Variants in ANK2 observed in about 807,000 individuals in gnomAD.
ANK2 encodes ankyrin-2.
ANK2 carries 83 observed loss-of-function variants against 360.5 expected under a neutral mutation model. That is an observed-to-expected ratio of 0.23 (90% CI 0.19 to 0.28). The LOEUF is 0.28. ANK2 is among the 10% of genes least tolerant of loss of function. ANK2 has a pLI of 1.00. For synonymous variants in ANK2, 1,740 were observed against 1,759.5 expected, an observed-to-expected ratio of 0.99 and a Z score of 0.28; for missense variants, 4,201 against 4,795.7, an observed-to-expected ratio of 0.88 and a Z score of 3.66.
At position 113,355,759 on chromosome 4, in the gene ANK2, G is replaced by A; in HGVS notation, c.7141G>A (p.Ala2381Thr). ...ESTATSDETK[A>T]LPLPEASVKT... The stretch of plus-strand genomic sequence containing the variant: ...CACAGCCACCTCAGACGAGACAAAG[G>A]CCTTGCCGCTGCCTGAGGCTTCTGT... The change falls in exon 38 of 46, where the codon GCC becomes ACC. Residue 2381 changes from alanine (A) to threonine (T), a missense_variant. Coordinates refer to ENST00000357077, the MANE Select transcript of ANK2 (RefSeq NM_001148.6). The A allele has an allele frequency of 6.2e-7, 1 of 1,614,094 alleles. No homozygotes were observed. Among genetic ancestry groups the A allele is most frequent in the Non-Finnish European group, 8.5e-7 (1 of 1,179,982 alleles).
chr4:112,723,388 C>T, the ANK2 span, among the ~76,000 whole-genome samples: 2 of 151,964 alleles, frequency 1.3e-5, no homozygotes, highest in Admixed American at 6.6e-5. Flanking sequence ...GTGGGCAGGA[C>T]GGACTCACTC....
intron 1 of ANK2, among the ~76,000 whole-genome samples, chr4:113,087,170 A>G (rs12500552): frequency 0.39 from 59,760 of 152,066 alleles, 12,472 homozygotes; most frequent in East Asian, 0.56. Flanking sequence ...TGATGCCGAA[A>G]TGGGATTTGA....
intron 1 of ANK2, among the ~76,000 whole-genome samples, chr4:113,052,596 A>AT (rs2067575304): frequency 6.6e-6 from 1 of 152,168 alleles, no homozygotes. Flanking sequence ...TTATGTCAAA[A>AT]TTTTACTGAG....
rs575377345 is a variant in ANK2 at position 113,274,774 on chromosome 4, A to G, written c.1683+125A>G. ...GGCCTTGACTTACTTCCTTCTCTAC[A>G]TATTTAAGACTCATTGTCTAAATGA... is the stretch of plus-strand genomic sequence containing the variant. On this transcript the variant is annotated intron_variant, in intron 15 of 45. Coordinates refer to ENST00000357077, the MANE Select transcript of ANK2 (RefSeq NM_001148.6). The G allele has an allele frequency of 1.9e-3, 1,889 of 977,966 alleles. 5 individuals carry two copies. The highest frequency in any genetic ancestry group is 2.8e-3 in the Non-Finnish European group (1,783 of 630,346). The allele number at this position is 977,966 out of a possible 1,614,324, so 60.6% of individuals were successfully genotyped here. A position where few individuals can be genotyped will look rare whatever the true frequency, so the allele number is the denominator to read the frequency against.
intron 1 of ANK2, among the ~76,000 whole-genome samples, chr4:113,094,967 T>G (rs939323823): frequency 2.0e-5 from 3 of 152,238 alleles, no homozygotes; most frequent in Non-Finnish European, 4.4e-5. Flanking sequence ...GTGGTGTCTT[T>G]GAAGAATAGC....
chr4:112,786,920 T>C, the ANK2 span, among the ~76,000 whole-genome samples: 2 of 152,032 alleles, frequency 1.3e-5, no homozygotes, highest in African/African-American at 4.8e-5. Context: ...GGCTAATTTT[T>C]GTATATTTAG....
chr4:113,128,151 C>G (rs1033021392), intron 1 of ANK2, among the ~76,000 whole-genome samples: 1 of 152,100 alleles, frequency 6.6e-6, no homozygotes, highest in Non-Finnish European at 1.5e-5. Context: ...AAAATGTGAT[C>G]TTTCTCTTTG....
rs980843968 is a variant in ANK2, at chr4:113,358,769, C to A, written c.10151C>A (p.Pro3384Gln). The A allele has an allele frequency of 6.2e-7, 1 of 1,614,082 alleles. No individual in the cohort carries two copies. Among genetic ancestry groups the A allele is most frequent in the Non-Finnish European group, 8.5e-7 (1 of 1,179,968 alleles). The change falls in exon 38 of 46, where the codon CCA becomes CAA. Residue 3384 changes from proline to glutamine, a missense_variant. Physicochemically the swap from Pro to Gln is moderately conservative, Grantham distance 76. Around this residue, in one of 4 missense-constraint regions of ANK2, gnomAD observed 2,642 missense variants for 2,714.5 expected, o/e 0.97. Coordinates refer to ENST00000357077, the MANE Select transcript of ANK2 (RefSeq NM_001148.6). Reference sequence around the variant, plus strand: ...GGACAGGACATGGCAAGCATCGCACCAGATAATAGAAGCAAATCTGAATCT... The same window carrying A: ...GGACAGGACATGGCAAGCATCGCACAAGATAATAGAAGCAAATCTGAATCT... ...PQGQDMASIA[P>Q]DNRSKSESDA...
intron 4 of ANK2, among the ~76,000 whole-genome samples, chr4:113,229,182 A>G (rs1213407451): frequency 6.6e-6 from 1 of 152,254 alleles, no homozygotes; most frequent in Non-Finnish European, 1.5e-5. Context: ...GCTTGAAACA[A>G]CACAGATTTA....
At chr4:113,041,823 CT>C (rs1272208786) in intron 2 of ANK2, among the ~76,000 whole-genome samples, 2 of 152,112 alleles carry the variant, frequency 1.3e-5, no homozygotes, top group African/African-American at 4.8e-5. Flanking sequence ...CCCAGGTCCA[CT>C]TTCTGGTTTG....
At position 113,358,117 on chromosome 4, in the gene ANK2, G is replaced by A. The variant is rs868306842; in HGVS notation, c.9499G>A (p.Ala3167Thr). The change falls in exon 38 of 46, where the codon GCA (alanine) becomes ACA (threonine). Residue 3167 changes from alanine to threonine, a missense_variant. Around this residue, in one of 4 missense-constraint regions of ANK2, gnomAD observed 2,642 missense variants for 2,714.5 expected, o/e 0.97. Coordinates refer to ENST00000357077, the MANE Select transcript of ANK2 (RefSeq NM_001148.6). ...GCTGGAGACATCAGCTGAATCACTA[G>A]CACTTTCAGAATCAAAAGAAACAGT... Reference protein sequence around the residue: ...LPLETSAESLALSESKETVDD... With the variant: ...LPLETSAESLTLSESKETVDD... The A allele has an allele frequency of 4.3e-6, 7 of 1,613,980 alleles. 1 individual carries two copies. In the Admixed American group the frequency reaches 6.7e-5, roughly 15 times the overall value.
At chr4:113,071,258 C>T (rs761228975) in intron 1 of ANK2, among the ~76,000 whole-genome samples, 7 of 152,132 alleles carry the variant, frequency 4.6e-5, no homozygotes, top group East Asian at 1.9e-4. Flanking sequence ...CAAGCACTGG[C>T]GCGTGTGACA....
chr4:113,326,277 A>G (rs114450632), intron 26 of ANK2, among the ~76,000 whole-genome samples: 3,116 of 152,238 alleles, frequency 0.02, 101 homozygotes, highest in African/African-American at 0.072. Context: ...CCAATTTTAT[A>G]TTATCAACTG....
At chr4:112,845,538 A>G (rs1435148607) in intron 1 of ANK2, among the ~76,000 whole-genome samples, 1 of 152,212 alleles carries the variant, frequency 6.6e-6, no homozygotes, top group Admixed American at 6.5e-5. Context: ...AGGTGTGAGA[A>G]TAGAAACCAA....
At chr4:112,817,914 T>A (rs1406201103), upstream of ANK2, among the ~76,000 whole-genome samples, 1 of 152,052 alleles carries the variant, frequency 6.6e-6, no homozygotes, top group African/African-American at 2.4e-5. Context: ...AGAAAAAAAA[T>A]ATTTTGTGAG....
chr4:113,332,902 A>G, intron 28 of ANK2, 152 bp from the exon 29 acceptor site: 3 of 1,067,402 alleles, frequency 2.8e-6, no homozygotes, highest in Non-Finnish European at 4.2e-6. Context: ...CTGTGTGACC[A>G]TCTGCTAGCC....
chr4:113,167,277 C>T (rs1320960496), intron 1 of ANK2, among the ~76,000 whole-genome samples: 1 of 150,568 alleles, frequency 6.6e-6, no homozygotes, highest in Non-Finnish European at 1.5e-5. Context: ...GATGGGTTCT[C>T]ACTCTGTTGC....
At chr4:113,370,474 C>T (rs1564160823) in intron 43 of ANK2, among the ~76,000 whole-genome samples, 1 of 151,946 alleles carries the variant, frequency 6.6e-6, no homozygotes, top group East Asian at 1.9e-4. Context: ...AGAAATTAAC[C>T]ATTGGCCAGG....
At chr4:113,015,201 G>A (rs2056246637) in intron 2 of ANK2, among the ~76,000 whole-genome samples, 1 of 152,084 alleles carries the variant, frequency 6.6e-6, no homozygotes, top group South Asian at 2.1e-4. Context: ...TAAAGATTTT[G>A]TTAGAAATAA....
Sources: gnomAD v4.1 joint callset for allele counts (sites outside exome capture counted in the v4.1 genomes callset) on GRCh38, gnomAD v4.1.1 for gene constraint, gnomAD v4.1.1 regional missense constraint, MANE v1.5 for transcripts, NCBI Gene and HGNC (gene_info 2026-07-23, HGNC 2026-07-21) for gene names.